The following ZNF385B variants were observed in gnomAD, a reference collection of about 807,000 sequenced individuals.
ZNF385B encodes zinc finger protein 533.
A neutral mutation model predicts 39.2 loss-of-function variants in ZNF385B; 23 were observed. The observed-to-expected ratio is 0.59, with a 90% CI of 0.42 to 0.83. ZNF385B has a LOEUF of 0.83. ZNF385B is among the 40% of genes least tolerant of loss of function. The pLI is 0.00. For missense variants in ZNF385B, 552 were observed against 598.9 expected (o/e 0.92, Z 0.82); for synonymous variants, 205 against 222.6 (o/e 0.92, Z 0.70).
intron 6 of ZNF385B, among the ~76,000 whole-genome samples, chr2:179,464,523 G>C (rs1428283513): frequency 1.3e-5 from 2 of 152,098 alleles, no homozygotes; most frequent in Admixed American, 1.3e-4. Flanking sequence ...GTTGATTTTT[G>C]TATAAGGTGT....
chr2:179,703,552 T>C lies in ZNF385B; in HGVS notation c.298+65951A>G, dbSNP rs147188887. Among the ~76,000 whole-genome samples, 1,054 of 152,346 alleles carry C rather than the reference T, an allele frequency of 6.9e-3. 13 individuals carry two copies. Among genetic ancestry groups the C allele is most frequent in the African/African-American group, 0.024 (1,008 of 41,584 alleles). Reference sequence around the variant, plus strand: ...GCTTTCCAATACCTATAACAGTGTCTGGCATATAGTAGGTGCTCGATCTGC... The same window carrying C: ...GCTTTCCAATACCTATAACAGTGTCCGGCATATAGTAGGTGCTCGATCTGC... On this transcript the variant is annotated intron_variant, in intron 3 of 9. Transcript: ENST00000410066.
intron 3 of ZNF385B, among the ~76,000 whole-genome samples, chr2:179,750,765 C>A (rs1702621957): frequency 6.6e-6 from 1 of 152,060 alleles, no homozygotes; most frequent in South Asian, 2.1e-4. Context: ...CTTTAACCCA[C>A]CTACCTCACA....
intron 3 of ZNF385B, among the ~76,000 whole-genome samples, chr2:179,724,090 C>G (rs935538306): frequency 1.3e-5 from 2 of 152,108 alleles, no homozygotes; most frequent in African/African-American, 4.8e-5. Flanking sequence ...AGGCAGATCA[C>G]TTGAGGTCAG....
intron 3 of ZNF385B, among the ~76,000 whole-genome samples, chr2:179,613,861 G>A (rs77348026): frequency 0.037 from 5,602 of 152,196 alleles, 314 homozygotes; most frequent in East Asian, 0.24. Context: ...TTATTCTGTG[G>A]TGGCAAGGCT....
At chr2:179,751,374 C>T (rs1226890105) in intron 3 of ZNF385B, among the ~76,000 whole-genome samples, 1 of 152,102 alleles carries the variant, frequency 6.6e-6, no homozygotes, top group Non-Finnish European at 1.5e-5. Context: ...TTTCAATATA[C>T]TCATGGCACC....
chr2:179,445,719 T>G lies in ZNF385B; in HGVS notation c.971A>C (p.His324Pro), dbSNP rs1227987723. 6.2e-7 allele frequency: 1 copy of G among 1,609,196 alleles called. No individual in the cohort carries two copies. Residue 324 changes from histidine to proline, a missense_variant, in exon 8 of 10, where the codon CAC (histidine) becomes CCC (proline). Transcript: ENST00000410066. ...QLEAHNTGSK[H>P]KTMVEARNGA... Reference sequence around the variant, plus strand: ...ATTACGAGCTTCAACCATGGTCTTGTGTTTAGATCCTAAGACAGAAAGAGA... The same window carrying G: ...ATTACGAGCTTCAACCATGGTCTTGGGTTTAGATCCTAAGACAGAAAGAGA...
intron 5 of ZNF385B, among the ~76,000 whole-genome samples, chr2:179,493,781 A>C (rs79523545): frequency 1.1e-5 from 1 of 91,804 alleles, no homozygotes; most frequent in Non-Finnish European, 2.5e-5. Context: ...ATATGTATAT[A>C]CACATATGTA....
At chr2:179,628,280 C>T (rs62176301) in intron 3 of ZNF385B, among the ~76,000 whole-genome samples, 9,975 of 152,228 alleles carry the variant, frequency 0.066, 523 homozygotes, top group East Asian at 0.24. Context: ...AATCAAGATC[C>T]AGACTATCTG....
chr2:179,725,196 G>C (rs1257945978), intron 3 of ZNF385B, among the ~76,000 whole-genome samples: 3 of 151,980 alleles, frequency 2.0e-5, no homozygotes, highest in Admixed American at 6.6e-5. Flanking sequence ...GTGATCAAAG[G>C]TTCAGTGTAT....
intron 3 of ZNF385B, among the ~76,000 whole-genome samples, chr2:179,604,878 C>T (rs1048735748): frequency 1.3e-5 from 2 of 152,032 alleles, no homozygotes; most frequent in Admixed American, 1.3e-4. Context: ...AATCCAAGAA[C>T]ATTTTATTTT....
At chr2:179,751,740 T>C (rs948846792) in intron 3 of ZNF385B, among the ~76,000 whole-genome samples, 2 of 151,968 alleles carry the variant, frequency 1.3e-5, no homozygotes, top group African/African-American at 4.8e-5. Context: ...AAATTATGTA[T>C]AACACTCCAA....
chr2:179,621,268 A>C (rs1160363352), intron 3 of ZNF385B, among the ~76,000 whole-genome samples: 1 of 152,174 alleles, frequency 6.6e-6, no homozygotes, highest in Non-Finnish European at 1.5e-5. Flanking sequence ...AATTCTTCCA[A>C]CCTGGAATAT....
rs564567986 is a variant in ZNF385B at position 179,603,585 on chromosome 2, C to T, written c.299-58616G>A. On this transcript the variant is annotated intron_variant, in intron 3 of 9. Transcript: ENST00000410066. ...GACTGGCATAATCACAGTGTAGATT[C>T]GTATGGTTCTTTATAGTATTCAGAG... is the stretch of plus-strand genomic sequence containing the variant. 6.3e-4 allele frequency among the ~76,000 whole-genome samples: 93 copies of T among 146,754 alleles called. 1 individual carries two copies. The highest frequency in any genetic ancestry group is 3.5e-3 in the Middle Eastern group (1 of 282).
At chr2:179,447,342 A>G (rs1162470433) in intron 6 of ZNF385B, among the ~76,000 whole-genome samples, 1 of 152,210 alleles carries the variant, frequency 6.6e-6, no homozygotes, top group Non-Finnish European at 1.5e-5. Flanking sequence ...TAAGAGACCA[A>G]GCTTCCATTC....
chr2:179,851,390 C>T (rs1014385738), intron 1 of ZNF385B, among the ~76,000 whole-genome samples: 14 of 152,168 alleles, frequency 9.2e-5, no homozygotes, highest in South Asian at 2.1e-4. Context: ...TTGGAGGCTA[C>T]AGCGAAATAT....
chr2:179,830,264 A>G (rs141257468), intron 1 of ZNF385B, among the ~76,000 whole-genome samples: 26 of 152,364 alleles, frequency 1.7e-4, no homozygotes, highest in African/African-American at 5.5e-4. Context: ...AGATACTCTC[A>G]TTCATTGCTG....
intron 3 of ZNF385B, among the ~76,000 whole-genome samples, chr2:179,744,541 T>C (rs2106457152): frequency 1.3e-5 from 2 of 152,228 alleles, no homozygotes; most frequent in Admixed American, 1.3e-4. Context: ...TGAACACAAA[T>C]GGTTTGCTCC....
At chr2:179,750,405 C>A (rs559136096) in intron 3 of ZNF385B, among the ~76,000 whole-genome samples, 40 of 152,188 alleles carry the variant, frequency 2.6e-4, no homozygotes, top group Middle Eastern at 3.4e-3. Flanking sequence ...TACTTGGAAA[C>A]TAAACAGTGA....
intron 1 of ZNF385B, among the ~76,000 whole-genome samples, chr2:179,815,057 T>G (rs1474028416): frequency 6.6e-6 from 1 of 152,232 alleles, no homozygotes; most frequent in Admixed American, 6.5e-5. Context: ...TTTTGTCTAG[T>G]TAGACGGGAA....
Sources: allele counts gnomAD v4.1 joint callset (sites outside exome capture counted in the v4.1 genomes callset), GRCh38; gene constraint gnomAD v4.1.1; transcripts MANE v1.5; gene names NCBI Gene and HGNC (gene_info 2026-07-23, HGNC 2026-07-21).